GALNT7: variants seen among roughly 807,000 people sequenced by gnomAD.
GALNT7 encodes polypeptide N-acetylgalactosaminyltransferase 7, also known as N-acetylgalactosaminyltransferase 7.
A neutral mutation model predicts 82.1 loss-of-function variants in GALNT7; 60 were observed. The observed-to-expected ratio is 0.73, with a 90% CI of 0.59 to 0.91. GALNT7 has a LOEUF of 0.91. Among genes scored for constraint, GALNT7 ranks in the 40% least tolerant of loss-of-function variants. The pLI, the probability that GALNT7 is intolerant of heterozygous loss-of-function variation, is 0.00. For synonymous variants in GALNT7, 243 were observed against 275.1 expected, an observed-to-expected ratio of 0.88 and a Z score of 1.15; for missense variants, 660 against 804.2, an observed-to-expected ratio of 0.82 and a Z score of 2.17.
chr4:173,184,167 C>A (rs1481089940), intron 1 of GALNT7, among the ~76,000 whole-genome samples: 6 of 151,854 alleles, frequency 4.0e-5, no homozygotes, highest in African/African-American at 1.5e-4. Flanking sequence ...GGCGGCCAGG[C>A]AGAGACGCTC....
chr4:173,288,282 CAAA>C (rs70944442), intron 2 of GALNT7, among the ~76,000 whole-genome samples: 39 of 62,970 alleles, frequency 6.2e-4, no homozygotes, highest in East Asian at 1.3e-3. Flanking sequence ...GACTCCATCT[CAAA>C]AAAAAAAAAA....
At position 173,266,255 on chromosome 4, in the gene GALNT7, G is replaced by A. The variant is rs192189280; in HGVS notation, c.587+17815G>A. Reference sequence around the variant, plus strand: ...AGCCTGGGCAACAAAGCAAGACTCTGTCTCAAAAAGGAAAAAGAAAAAGAA... The same window carrying A: ...AGCCTGGGCAACAAAGCAAGACTCTATCTCAAAAAGGAAAAAGAAAAAGAA... On this transcript the variant is annotated intron_variant, in intron 2 of 11. Transcript: ENST00000265000. Among the ~76,000 whole-genome samples the A allele has an allele frequency of 8.9e-4, 136 of 152,212 alleles. 2 individuals carry two copies. Among genetic ancestry groups the A allele is most frequent in the African/African-American group, 3.2e-3 (132 of 41,532 alleles).
chr4:173,252,246 T>A (rs1734872510), intron 2 of GALNT7, among the ~76,000 whole-genome samples: 1 of 152,172 alleles, frequency 6.6e-6, no homozygotes. Flanking sequence ...TCCTCATCCC[T>A]CATGGGGAAT....
At chr4:173,258,380 T>C (rs1735122538) in intron 2 of GALNT7, among the ~76,000 whole-genome samples, 1 of 152,206 alleles carries the variant, frequency 6.6e-6, no homozygotes, top group East Asian at 1.9e-4. Context: ...AGTGTACTTA[T>C]TTACACTTGT....
At chr4:173,223,223 T>C (rs866712318) in intron 1 of GALNT7, among the ~76,000 whole-genome samples, 2 of 152,320 alleles carry the variant, frequency 1.3e-5, no homozygotes, top group Middle Eastern at 3.4e-3. Flanking sequence ...CTATTCTGCA[T>C]AGGACTCCAT....
intron 1 of GALNT7, among the ~76,000 whole-genome samples, chr4:173,224,737 G>A (rs1028781820): frequency 3.9e-5 from 6 of 152,062 alleles, no homozygotes; most frequent in African/African-American, 4.8e-5. Context: ...TATTGGCCGG[G>A]CGCGGTGGCT....
chr4:173,220,563 CATACGT>C (rs1733612338), intron 1 of GALNT7, among the ~76,000 whole-genome samples: 1 of 152,058 alleles, frequency 6.6e-6, no homozygotes, highest in African/African-American at 2.4e-5. Context: ...AGGTTAGTTA[CATACGT>C]ATACATGTGA....
At chr4:173,184,054 A>G (rs1482967400) in intron 1 of GALNT7, among the ~76,000 whole-genome samples, 1 of 151,496 alleles carries the variant, frequency 6.6e-6, no homozygotes, top group African/African-American at 2.4e-5. Flanking sequence ...GGCCGGGCAG[A>G]GACGCTCCTC....
intron 8 of GALNT7, among the ~76,000 whole-genome samples, chr4:173,310,746 T>A (rs2126862859): frequency 6.6e-6 from 1 of 152,248 alleles, no homozygotes; most frequent in Admixed American, 6.5e-5. Context: ...GTTGTTGTTG[T>A]TGTTTTGAGA....
intron 7 of GALNT7, 149 bp from the exon 8 acceptor site, chr4:173,303,847 C>T: frequency 4.4e-6 from 3 of 679,016 alleles, no homozygotes; most frequent in Non-Finnish European, 4.9e-6. Flanking sequence ...CTTTTAAAAG[C>T]AAATTATTTT....
At chr4:173,223,705 A>G (rs1733712355) in intron 1 of GALNT7, among the ~76,000 whole-genome samples, 1 of 152,128 alleles carries the variant, frequency 6.6e-6, no homozygotes, top group Admixed American at 6.6e-5. Context: ...CCCATATACA[A>G]AAAGCTGAAA....
At chr4:173,255,640 A>G (rs1579959459) in intron 2 of GALNT7, among the ~76,000 whole-genome samples, 1 of 152,028 alleles carries the variant, frequency 6.6e-6, no homozygotes, top group South Asian at 2.1e-4. Flanking sequence ...TCTTTTGCCC[A>G]TGGGAAACAC....
chr4:173,304,625 G>C (rs1450497828), intron 8 of GALNT7, among the ~76,000 whole-genome samples: 1 of 151,848 alleles, frequency 6.6e-6, no homozygotes, highest in Non-Finnish European at 1.5e-5. Context: ...TCACCATGTT[G>C]TATAATAGAT....
At chr4:173,280,619 T>G (rs1330218823) in intron 2 of GALNT7, among the ~76,000 whole-genome samples, 2 of 152,208 alleles carry the variant, frequency 1.3e-5, no homozygotes, top group African/African-American at 4.8e-5. Flanking sequence ...GAACCAGTAC[T>G]GTCCTTGGTG....
intron 1 of GALNT7, among the ~76,000 whole-genome samples, chr4:173,219,334 G>A (rs534075303): frequency 2.5e-4 from 37 of 148,568 alleles, no homozygotes; most frequent in Non-Finnish European, 4.0e-4. Flanking sequence ...GTGTTCCATG[G>A]TGTGTGTGTG....
chr4:173,294,299 A>G (rs1426543875), intron 3 of GALNT7, among the ~76,000 whole-genome samples: 1 of 151,892 alleles, frequency 6.6e-6, no homozygotes, highest in African/African-American at 2.4e-5. Context: ...AGTTGAAGGG[A>G]AAATTACTCA....
chr4:173,288,724 G>T (rs752601238), intron 2 of GALNT7, among the ~76,000 whole-genome samples: 5 of 152,124 alleles, frequency 3.3e-5, no homozygotes, highest in Non-Finnish European at 7.3e-5. Flanking sequence ...ATATTCACTT[G>T]GGGTGAAATA....
intron 1 of GALNT7, among the ~76,000 whole-genome samples, chr4:173,241,998 A>G (rs1389918312): frequency 6.6e-6 from 1 of 152,206 alleles, no homozygotes. Flanking sequence ...TCCATTGTCA[A>G]GAGTCCCAGT....
chr4:173,275,606 T>C (rs1356229276), intron 2 of GALNT7, among the ~76,000 whole-genome samples: 1 of 152,196 alleles, frequency 6.6e-6, no homozygotes, highest in East Asian at 1.9e-4. Flanking sequence ...TTTTGTAGCT[T>C]TCCAGCCCTA....
Sources: gnomAD v4.1 joint callset for allele counts (sites outside exome capture counted in the v4.1 genomes callset) on GRCh38, gnomAD v4.1.1 for gene constraint, MANE v1.5 for transcripts, NCBI Gene and HGNC (gene_info 2026-07-23, HGNC 2026-07-21) for gene names.